The following HOMER2 variants were observed in gnomAD, a reference collection of about 807,000 sequenced individuals.
HOMER2 encodes homer scaffold protein 2.
A neutral mutation model predicts 47.0 loss-of-function variants in HOMER2; 27 were observed. That is an observed-to-expected ratio of 0.57 (90% CI 0.42 to 0.79). HOMER2 has a LOEUF of 0.79. HOMER2 is among the 30% of genes least tolerant of loss of function. The pLI, the probability that HOMER2 is intolerant of heterozygous loss-of-function variation, is 0.00. For synonymous variants in HOMER2, 161 were observed against 163.8 expected, an observed-to-expected ratio of 0.98 and a Z score of 0.13; for missense variants, 443 against 435.0, an observed-to-expected ratio of 1.02 and a Z score of -0.16.
intron 1 of HOMER2, among the ~76,000 whole-genome samples, chr15:82,941,531 A>C (rs1441136358): frequency 1.3e-5 from 2 of 151,316 alleles, no homozygotes; most frequent in African/African-American, 4.9e-5. Flanking sequence ...CTACAGACTG[A>C]AGTCCATACA....
intron 3 of HOMER2, among the ~76,000 whole-genome samples, chr15:82,874,678 G>A (rs2052288028): frequency 6.6e-6 from 1 of 152,218 alleles, no homozygotes; most frequent in Admixed American, 6.5e-5. Context: ...CACGTGGGGA[G>A]TCCAAGCTAA....
chr15:82,923,673 T>C (rs974582691), intron 1 of HOMER2, among the ~76,000 whole-genome samples: 2 of 152,082 alleles, frequency 1.3e-5, no homozygotes, highest in Admixed American at 6.5e-5. Context: ...AACCGCTAGA[T>C]AATGTTCTCC....
In HOMER2 at chr15:82,852,251, A is replaced by G; in HGVS notation, c.653T>C (p.Ile218Thr). Residue 218 changes from isoleucine (I) to threonine (T), a missense_variant and splice_region_variant, in exon 7 of 9, where the codon ATT becomes ACT. Ile to Thr is a moderately conservative substitution (Grantham distance 89, BLOSUM62 -1). Transcript: ENST00000450735. ...RDENDRLRNK[I>T]DELEEQCSEI... is the part of the protein sequence containing the mutation. The stretch of plus-strand genomic sequence containing the variant: ...ACTGCATTGTTCTTCCAGCTCATCA[A>G]TCTTCAATACACACCACACAGGAAA... The G allele has an allele frequency of 6.2e-7, 1 of 1,609,546 alleles. No homozygotes were observed. The highest frequency in any genetic ancestry group is 8.5e-7 in the Non-Finnish European group (1 of 1,176,052).
chr15:82,943,912 G>A (rs903238663), intron 1 of HOMER2, among the ~76,000 whole-genome samples: 6 of 152,218 alleles, frequency 3.9e-5, no homozygotes, highest in Non-Finnish European at 7.4e-5. Context: ...TTTAATACAC[G>A]GCTCTCACCC....
intron 4 of HOMER2, among the ~76,000 whole-genome samples, chr15:82,862,438 C>G (rs2051825953): frequency 6.6e-6 from 1 of 152,156 alleles, no homozygotes; most frequent in Admixed American, 6.6e-5. Flanking sequence ...CAGCAAGACC[C>G]CGTCTCAAAT....
At chr15:82,965,440 G>C (rs549404679) in intron 1 of HOMER2, among the ~76,000 whole-genome samples, 11 of 152,324 alleles carry the variant, frequency 7.2e-5, no homozygotes, top group African/African-American at 2.6e-4. Flanking sequence ...CCTAATAGAA[G>C]TAAGCAGTTG....
At chr15:82,891,564 G>C (rs969427256) in intron 2 of HOMER2, among the ~76,000 whole-genome samples, 8 of 152,240 alleles carry the variant, frequency 5.3e-5, no homozygotes, top group Non-Finnish European at 7.4e-5. Flanking sequence ...TTCTGTTTGT[G>C]GAGTGTGGGG....
At chr15:82,905,748 A>C (rs986626556) in intron 1 of HOMER2, among the ~76,000 whole-genome samples, 17 of 152,200 alleles carry the variant, frequency 1.1e-4, no homozygotes, top group African/African-American at 4.1e-4. Flanking sequence ...AGGAGAAATA[A>C]GGACTCTGAG....
chr15:82,854,583 C>T (rs774140147), intron 6 of HOMER2, 61 bp downstream of exon 6: 16 of 1,519,722 alleles, frequency 1.1e-5, no homozygotes, highest in East Asian at 2.4e-5. Context: ...GTTGTGGGTG[C>T]CCCCATCTCC....
At chr15:82,928,521 G>A (rs549100901) in intron 1 of HOMER2, among the ~76,000 whole-genome samples, 6 of 152,204 alleles carry the variant, frequency 3.9e-5, no homozygotes, top group African/African-American at 7.2e-5. Flanking sequence ...TTACCTAGAA[G>A]ACTGCAACCA....
At chr15:82,951,206 T>G (rs1361202448) in intron 1 of HOMER2, among the ~76,000 whole-genome samples, 1 of 152,184 alleles carries the variant, frequency 6.6e-6, no homozygotes, top group East Asian at 1.9e-4. Flanking sequence ...ATCTCCTAAA[T>G]GTAAGCACAC....
At chr15:82,932,730 ACT>A (rs1250761216) in intron 1 of HOMER2, among the ~76,000 whole-genome samples, 2 of 151,690 alleles carry the variant, frequency 1.3e-5, no homozygotes, top group Admixed American at 6.6e-5. Flanking sequence ...CCCTCAAGAC[ACT>A]CTCTCTGAGG....
chr15:82,917,491 C>T (rs1196757529), intron 1 of HOMER2, among the ~76,000 whole-genome samples: 3 of 152,222 alleles, frequency 2.0e-5, no homozygotes, highest in Non-Finnish European at 4.4e-5. Flanking sequence ...CCCTTTCCTT[C>T]GCACCCAAGG....
intron 1 of HOMER2, among the ~76,000 whole-genome samples, chr15:82,917,533 G>T (rs1463905643): frequency 6.6e-6 from 1 of 152,250 alleles, no homozygotes. Context: ...ACACATGCAG[G>T]AAGGTGCAAG....
At chr15:82,889,072 C>G (rs1271617404) in intron 2 of HOMER2, among the ~76,000 whole-genome samples, 1 of 152,142 alleles carries the variant, frequency 6.6e-6, no homozygotes, top group African/African-American at 2.4e-5. Context: ...TTGATGTGGC[C>G]CAGCCAACAG....
chr15:82,962,470 A>C (rs996863291), intron 1 of HOMER2, among the ~76,000 whole-genome samples: 1 of 151,824 alleles, frequency 6.6e-6, no homozygotes, highest in African/African-American at 2.4e-5. Context: ...TGAAGTCAGG[A>C]CTTTGAGACC....
intron 1 of HOMER2, among the ~76,000 whole-genome samples, chr15:82,979,240 A>C (rs1202536395): frequency 6.6e-6 from 1 of 152,220 alleles, no homozygotes; most frequent in Non-Finnish European, 1.5e-5. Flanking sequence ...GCATAAGAAC[A>C]GACTAATACA....
intron 1 of HOMER2, among the ~76,000 whole-genome samples, chr15:82,925,292 T>C (rs1307693996): frequency 6.6e-6 from 1 of 152,188 alleles, no homozygotes; most frequent in Non-Finnish European, 1.5e-5. Context: ...CAACCAGCCA[T>C]GGGGTCAGTA....
At chr15:82,839,107 A>AC (rs2051152982) in exon 2 of HOMER2, 1 of 151,538 alleles carries the variant, frequency 6.6e-6, no homozygotes, top group Non-Finnish European at 1.5e-5. Context: ...GAAAAAAAAA[A>AC]CCAAAATCTT....
Sources: gnomAD v4.1 joint callset for allele counts (sites outside exome capture counted in the v4.1 genomes callset) on GRCh38, gnomAD v4.1.1 for gene constraint, MANE v1.5 for transcripts, NCBI Gene and HGNC (gene_info 2026-07-23, HGNC 2026-07-21) for gene names.